The following PRRC2B variants were observed in gnomAD, a reference collection of about 807,000 sequenced individuals.
PRRC2B encodes proline rich coiled-coil 2B.
Under a neutral mutation model 242.3 loss-of-function variants are expected in PRRC2B, and 68 were observed. The observed-to-expected ratio is 0.28, with a 90% confidence interval of 0.23 to 0.34. The LOEUF is 0.34. Among genes scored for constraint, PRRC2B ranks in the 10% least tolerant of loss-of-function variants. PRRC2B has a pLI of 1.00. For missense variants in PRRC2B, 2,835 were observed against 2,954.8 expected, an observed-to-expected ratio of 0.96 and a Z score of 0.94; for synonymous variants, 1,228 against 1,173.6, an observed-to-expected ratio of 1.05 and a Z score of -0.95.
rs1564281524 is a variant in PRRC2B at position 131,430,523 on chromosome 9, A to ATATCTATAGG, written c.115+266_115+267insTCTATAGGTA. On this transcript the variant is annotated intron_variant, in intron 2 of 31. Transcript: ENST00000683519. ...TCTATAGATATCTATAGATAGATAG[A>ATATCTATAGG]TAGATATCTATCTATAGATATCTAT... Among the ~76,000 whole-genome samples the ATATCTATAGG allele has an allele frequency of 8.1e-5, 8 of 98,392 alleles. 1 individual carries two copies. The highest frequency in any genetic ancestry group is 3.8e-4 in the South Asian group (1 of 2,606). The allele number at this position is 98,392 out of a possible 152,430, so 64.5% of individuals were successfully genotyped here. A position where few individuals can be genotyped will look rare whatever the true frequency, so the allele number is the denominator to read the frequency against.
At chr9:131,488,801 A>G (rs998569657) in intron 28 of PRRC2B, among the ~76,000 whole-genome samples, 6 of 152,158 alleles carry the variant, frequency 3.9e-5, no homozygotes, top group African/African-American at 7.2e-5. Context: ...TCACTCTGCT[A>G]TGGTGCCATC....
intron 2 of PRRC2B, among the ~76,000 whole-genome samples, chr9:131,432,351 A>T (rs951000023): frequency 6.6e-6 from 1 of 152,096 alleles, no homozygotes; most frequent in Non-Finnish European, 1.5e-5. Flanking sequence ...AAAGTCTGCG[A>T]GCCTTGTCCT....
intron 1 of PRRC2B, among the ~76,000 whole-genome samples, chr9:131,421,151 G>A (rs1174240064): frequency 6.6e-6 from 1 of 152,220 alleles, no homozygotes; most frequent in East Asian, 1.9e-4. Flanking sequence ...TACATTTACT[G>A]TCTGGCCCTT....
chr9:131,445,251 C>T (rs1299574149), intron 6 of PRRC2B, among the ~76,000 whole-genome samples: 2 of 152,084 alleles, frequency 1.3e-5, no homozygotes, highest in African/African-American at 4.8e-5. Flanking sequence ...ACCTCCGCCT[C>T]CCGGGTTCAA....
intron 1 of PRRC2B, among the ~76,000 whole-genome samples, chr9:131,399,794 C>T (rs951990319): frequency 3.9e-5 from 6 of 152,082 alleles, no homozygotes; most frequent in South Asian, 2.1e-4. Flanking sequence ...TATTCCTCTA[C>T]GTTATTTTTA....
At chr9:131,397,656 A>G (rs191146624) in intron 1 of PRRC2B, among the ~76,000 whole-genome samples, 1 of 138,074 alleles carries the variant, frequency 7.2e-6, no homozygotes, top group Non-Finnish European at 1.5e-5. Context: ...TCATTATCCT[A>G]CCCCTTAAGA....
At chr9:131,483,258 G>A (rs1943922856) in intron 22 of PRRC2B, 101 bp from the exon 23 acceptor site, 10 of 1,153,376 alleles carry the variant, frequency 8.7e-6, no homozygotes, top group Non-Finnish European at 1.3e-5. Context: ...GCTCAGTGGA[G>A]TTTTTGAGTC....
rs767473219 is a variant in PRRC2B at position 131,481,828 on chromosome 9, A to T, written c.4983+20A>T. 1.3e-6 allele frequency: 2 copies of T among 1,543,762 alleles called. No individual in the cohort carries two copies. Among genetic ancestry groups the T allele is most frequent in the Admixed American group, 1.9e-5 (1 of 51,428 alleles). ...GCGGAGGTGAGTGTGGCCGCTGCCC[A>T]CATGCTGCCCCTGGGATGAGTGTGT... On this transcript the variant is annotated intron_variant, in intron 20 of 31. Coordinates refer to ENST00000683519, the MANE Select transcript of PRRC2B (RefSeq NM_013318.4).
At position 131,498,189 on chromosome 9, in the gene PRRC2B, C is replaced by T. The variant is rs1367886314; in HGVS notation, c.*2315C>T. 1 of 152,116 alleles carries T rather than the reference C, an allele frequency of 6.6e-6. No individual in the cohort carries two copies. The highest frequency in any genetic ancestry group is 1.9e-4 in the East Asian group (1 of 5,204). 9.4% of individuals were successfully genotyped at this position (152,116 alleles called of 1,614,324 possible). ...GCCCTTTTCTCTTACCTGGTATTTCCTTCCTTTCTCCTCCCCCACCCCAAA... is the reference window on the plus strand; with the variant it reads ...GCCCTTTTCTCTTACCTGGTATTTCTTTCCTTTCTCCTCCCCCACCCCAAA... On this transcript the variant is annotated 3_prime_UTR_variant, in exon 32 of 32. Coordinates refer to ENST00000683519, the MANE Select transcript of PRRC2B (RefSeq NM_013318.4).
chr9:131,462,731 AGGAG>A (rs1225114726), intron 11 of PRRC2B, among the ~76,000 whole-genome samples: 1 of 148,470 alleles, frequency 6.7e-6, no homozygotes, highest in Non-Finnish European at 1.5e-5. Flanking sequence ...CCAGCTACTC[AGGAG>A]GCTGAGGCAG....
At chr9:131,418,794 C>A (rs189466514) in intron 1 of PRRC2B, among the ~76,000 whole-genome samples, 1 of 152,304 alleles carries the variant, frequency 6.6e-6, no homozygotes, top group East Asian at 1.9e-4. Flanking sequence ...AAACAAATAG[C>A]AAATCTGTTT....
intron 22 of PRRC2B, 132 bp downstream of exon 22, chr9:131,483,039 TAG>T (rs1943915266): frequency 1.8e-6 from 2 of 1,101,540 alleles, no homozygotes; most frequent in Non-Finnish European, 2.6e-6. Context: ...TTCCAGCGGC[TAG>T]AGTGTTGGTG....
chr9:131,455,510 C>CTTT (rs148974781), intron 10 of PRRC2B, among the ~76,000 whole-genome samples: 8 of 86,992 alleles, frequency 9.2e-5, no homozygotes, highest in African/African-American at 3.6e-4. Flanking sequence ...GGTTCAACTT[C>CTTT]TTTTTTTTTT....
In PRRC2B at chr9:131,475,073, ACGG is replaced by A. The variant is rs755761458; in HGVS notation, c.2946_2948del (p.Ala983del). The A allele has an allele frequency of 6.2e-7, 1 of 1,610,782 alleles. No homozygotes were observed. Among genetic ancestry groups the A allele is most frequent in the Non-Finnish European group, 8.5e-7 (1 of 1,178,526 alleles). On this transcript the variant is annotated inframe_deletion, in exon 16 of 32. Coordinates refer to ENST00000683519, the MANE Select transcript of PRRC2B (RefSeq NM_013318.4). ...GGCCAAGGAGAAGGAGCAGAGCCCC[ACGG>A]CAGAAAAGGATGAGGACGAAGAGAA...
At chr9:131,443,290 C>T (rs1248460155) in intron 5 of PRRC2B, among the ~76,000 whole-genome samples, 5 of 145,486 alleles carry the variant, frequency 3.4e-5, no homozygotes, top group African/African-American at 7.6e-5. Flanking sequence ...CCCGCCACCA[C>T]GTCTGGCTAA....
intron 23 of PRRC2B, 96 bp from the exon 24 acceptor site, chr9:131,484,590 G>T: frequency 1.1e-6 from 1 of 948,914 alleles, no homozygotes; most frequent in Non-Finnish European, 1.6e-6. Flanking sequence ...ACATTTGGAC[G>T]AGCCTTGAGT....
chr9:131,420,493 C>CTTTCTTTCTTTTTTTCTTTCTTTCTTTCT, intron 1 of PRRC2B, among the ~76,000 whole-genome samples: 1 of 30,164 alleles, frequency 3.3e-5, no homozygotes, highest in Non-Finnish European at 6.4e-5. Context: ...TTCTTTCTTT[C>CTTTCTTTCTTTTTTTCTTTCTTTCTTTCT]TTTTTTTTTT....
intron 9 of PRRC2B, among the ~76,000 whole-genome samples, chr9:131,450,327 G>A (rs1244516302): frequency 1.9e-4 from 29 of 151,702 alleles, no homozygotes; most frequent in Admixed American, 1.9e-3. Context: ...GAGTTCAGTG[G>A]CATGATCTCG....
In PRRC2B at chr9:131,475,090, G is replaced by A. The variant is rs756867674; in HGVS notation, c.2961G>A (p.Glu987=). The part of the protein sequence containing the change: ...KEQSPTAEKD[E]DEENDASLAN... ...AGAGCCCCACGGCAGAAAAGGATGAGGACGAAGAGAACGATGCCTCTCTGG... is the reference window on the plus strand; with the variant it reads ...AGAGCCCCACGGCAGAAAAGGATGAAGACGAAGAGAACGATGCCTCTCTGG... The change falls in exon 16 of 32, where the codon GAG becomes GAA. Residue 987 remains glutamate, a synonymous_variant. Coordinates refer to ENST00000683519, the MANE Select transcript of PRRC2B (RefSeq NM_013318.4). The A allele has an allele frequency of 5.0e-6, 8 of 1,611,176 alleles. No homozygotes were observed. Among genetic ancestry groups the A allele is most frequent in the South Asian group, 4.4e-5 (4 of 90,410 alleles).
Sources: gnomAD v4.1 joint callset for allele counts (sites outside exome capture counted in the v4.1 genomes callset) on GRCh38, gnomAD v4.1.1 for gene constraint, MANE v1.5 for transcripts, NCBI Gene and HGNC (gene_info 2026-07-23, HGNC 2026-07-21) for gene names.